FAM193A: variants seen among roughly 807,000 people sequenced by gnomAD.
FAM193A encodes the protein family with sequence similarity 193 member A.
Under a neutral mutation model 126.5 loss-of-function variants are expected in FAM193A, and 22 were observed. The ratio of observed to expected loss-of-function variants is 0.17; its 90% CI spans 0.12 to 0.25. FAM193A has a LOEUF of 0.25. Ranked by LOEUF, FAM193A falls within the 10% of genes least tolerant of loss-of-function variation. FAM193A has a pLI of 1.00. For missense variants in FAM193A, 1,675 were observed against 1,672.8 expected (o/e 1.00, Z -0.02); for synonymous variants, 761 against 646.8 (o/e 1.18, Z -2.68).
intron 13 of FAM193A, among the ~76,000 whole-genome samples, chr4:2,680,308 A>G (rs1714956997): frequency 6.6e-6 from 1 of 151,990 alleles, no homozygotes; most frequent in African/African-American, 2.4e-5. Context: ...GTGTTGGTGT[A>G]CAGTTGTTCG....
intron 2 of FAM193A, among the ~76,000 whole-genome samples, chr4:2,605,165 A>G (rs560300319): frequency 6.6e-6 from 1 of 152,004 alleles, no homozygotes; most frequent in East Asian, 1.9e-4. Context: ...AATGGTTAAT[A>G]TATGTGGGGT....
At chr4:2,731,188 C>A (rs1365448821) in intron 20 of FAM193A, among the ~76,000 whole-genome samples, 1 of 119,616 alleles carries the variant, frequency 8.4e-6, no homozygotes, top group East Asian at 2.4e-4. Context: ...AAGAGCGAAA[C>A]TCCTTCTCAA....
At chr4:2,569,850 C>T (rs923212520) in intron 1 of FAM193A, among the ~76,000 whole-genome samples, 1 of 152,056 alleles carries the variant, frequency 6.6e-6, no homozygotes, top group Non-Finnish European at 1.5e-5. Flanking sequence ...TGGTTGGACT[C>T]CAGTATTACC....
At chr4:2,564,215 G>A (rs1168096474) in intron 1 of FAM193A, among the ~76,000 whole-genome samples, 1 of 152,012 alleles carries the variant, frequency 6.6e-6, no homozygotes, top group Non-Finnish European at 1.5e-5. Context: ...CTGAGTAGGT[G>A]GGACCATAGG....
In FAM193A at chr4:2,672,340, T is replaced by C. The variant is rs746787056; in HGVS notation, c.2299T>C (p.Leu767=). 6.2e-7 allele frequency: 1 copy of C among 1,614,158 alleles called. No individual in the cohort carries two copies. Among genetic ancestry groups the C allele is most frequent in the South Asian group, 1.1e-5 (1 of 91,074 alleles). Residue 767 remains leucine, a synonymous_variant, in exon 13 of 21, where the codon TTG becomes CTG. Coordinates refer to ENST00000637812, the MANE Select transcript of FAM193A (RefSeq NM_001366318.2). The part of the protein sequence containing the change: ...HLPRPLIHPT[L]YATPPFTHSK... ...GCCACGCCCTCTCATCCACCCCACCTTGTATGCAACGCCCCCCTTCACACA... is the reference window on the plus strand; with the variant it reads ...GCCACGCCCTCTCATCCACCCCACCCTGTATGCAACGCCCCCCTTCACACA...
At chr4:2,649,579 G>A (rs1240321815) in intron 7 of FAM193A, among the ~76,000 whole-genome samples, 1 of 152,096 alleles carries the variant, frequency 6.6e-6, no homozygotes, top group Non-Finnish European at 1.5e-5. Context: ...GGCTGAGATG[G>A]GAGGATCACT....
chr4:2,678,359 G>GTTTTTTTTTTTTTTTTTTTT (rs1553907903), intron 13 of FAM193A, among the ~76,000 whole-genome samples: 1 of 141,698 alleles, frequency 7.1e-6, no homozygotes, highest in Non-Finnish European at 1.5e-5. Flanking sequence ...TGGTTTTGGT[G>GTTTTTTTTTTTTTTTTTTTT]GTTTTTTTTT....
chr4:2,707,677 G>A (rs1001168592), intron 19 of FAM193A, among the ~76,000 whole-genome samples: 1 of 149,402 alleles, frequency 6.7e-6, no homozygotes, highest in African/African-American at 2.5e-5. Flanking sequence ...AATCTTTTGT[G>A]TGTGGCTCAG....
chr4:2,548,137 T>A (rs1296085613), intron 1 of FAM193A, among the ~76,000 whole-genome samples: 1 of 150,298 alleles, frequency 6.7e-6, no homozygotes, highest in Admixed American at 6.7e-5. Flanking sequence ...AGTGGCACGA[T>A]CTCGGCTCAC....
At chr4:2,550,408 A>G (rs1039422896) in intron 1 of FAM193A, among the ~76,000 whole-genome samples, 2 of 151,818 alleles carry the variant, frequency 1.3e-5, no homozygotes, top group Non-Finnish European at 2.9e-5. Flanking sequence ...TTACATTCCT[A>G]GAATGAACCC....
chr4:2,562,124 A>G (rs1228874500), intron 1 of FAM193A, among the ~76,000 whole-genome samples: 2 of 152,072 alleles, frequency 1.3e-5, no homozygotes, highest in South Asian at 4.2e-4. Flanking sequence ...CTTTATGATA[A>G]TTGTAATTGT....
At chr4:2,663,486 C>T (rs1480995792) in intron 12 of FAM193A, among the ~76,000 whole-genome samples, 198 bp downstream of exon 12, 1 of 152,076 alleles carries the variant, frequency 6.6e-6, no homozygotes, top group Non-Finnish European at 1.5e-5. Flanking sequence ...TTTCGCAACA[C>T]CCCATAGCAG....
chr4:2,613,514 C>T (rs547459744), intron 2 of FAM193A, among the ~76,000 whole-genome samples: 69 of 149,594 alleles, frequency 4.6e-4, no homozygotes, highest in East Asian at 9.8e-4. Flanking sequence ...AGTGCAGTGG[C>T]GCGATGTCGG....
chr4:2,639,395 A>AT (rs1744388764), intron 5 of FAM193A, among the ~76,000 whole-genome samples: 1 of 152,152 alleles, frequency 6.6e-6, no homozygotes, highest in Non-Finnish European at 1.5e-5. Context: ...CTTTCATTAC[A>AT]TTTTAAAAGT....
intron 20 of FAM193A, among the ~76,000 whole-genome samples, chr4:2,717,462 G>A (rs954534576): frequency 2.0e-5 from 3 of 152,008 alleles, no homozygotes; most frequent in Non-Finnish European, 4.4e-5. Context: ...TGGACGTGGT[G>A]ACAAGAGCCT....
intron 1 of FAM193A, among the ~76,000 whole-genome samples, chr4:2,567,243 C>T (rs568865620): frequency 1.2e-4 from 17 of 143,106 alleles, no homozygotes; most frequent in African/African-American, 3.6e-4. Flanking sequence ...CCACCACGCC[C>T]GGCCTGAGCC....
At chr4:2,558,807 C>T (rs1259453088) in intron 1 of FAM193A, among the ~76,000 whole-genome samples, 1 of 152,164 alleles carries the variant, frequency 6.6e-6, no homozygotes, top group Non-Finnish European at 1.5e-5. Context: ...TCGAGACCAG[C>T]CTGGCCAACA....
At chr4:2,665,513 T>C (rs1340809704) in intron 12 of FAM193A, among the ~76,000 whole-genome samples, 3 of 152,194 alleles carry the variant, frequency 2.0e-5, no homozygotes, top group Admixed American at 2.0e-4. Context: ...CTTTCCTTCC[T>C]TTCTTCTTTT....
At chr4:2,574,887 T>C (rs6817501) in intron 1 of FAM193A, among the ~76,000 whole-genome samples, 9,800 of 152,244 alleles carry the variant, frequency 0.064, 546 homozygotes, top group African/African-American at 0.14. Flanking sequence ...AAAAGCTGAA[T>C]GAAATCAAGA....
Sources: allele counts gnomAD v4.1 joint callset (sites outside exome capture counted in the v4.1 genomes callset), GRCh38; gene constraint gnomAD v4.1.1; transcripts MANE v1.5; gene names NCBI Gene and HGNC (gene_info 2026-07-23, HGNC 2026-07-21).